TMTC2: variants seen among roughly 807,000 people sequenced by gnomAD.
The protein encoded by TMTC2 is protein O-mannosyl-transferase TMTC2.
A neutral mutation model predicts 82.4 loss-of-function variants in TMTC2; 43 were observed. The ratio of observed to expected loss-of-function variants is 0.52; its 90% CI spans 0.41 to 0.67. The LOEUF (loss-of-function observed/expected upper bound fraction) is 0.67, where lower values mean the gene tolerates loss of function less well. Ranked by LOEUF, TMTC2 falls within the 30% of genes least tolerant of loss-of-function variation. The pLI, the probability that TMTC2 is intolerant of heterozygous loss-of-function variation, is 0.00. For missense variants in TMTC2, 919 were observed against 1,012.4 expected, an observed-to-expected ratio of 0.91 and a Z score of 1.25; for synonymous variants, 408 against 381.9, an observed-to-expected ratio of 1.07 and a Z score of -0.80.
chr12:82,745,299 C>T (rs566961696), intron 1 of TMTC2, among the ~76,000 whole-genome samples: 2 of 152,136 alleles, frequency 1.3e-5, no homozygotes, highest in South Asian at 4.1e-4. Context: ...TTGTAGAAAA[C>T]CTTTTGTAGT....
intron 11 of TMTC2, 71 bp downstream of exon 11, chr12:83,061,902 T>C (rs1239833053): frequency 1.7e-6 from 2 of 1,164,454 alleles, no homozygotes; most frequent in Non-Finnish European, 2.4e-6. Context: ...GTAAGAAGCA[T>C]CATGATACTG....
intron 4 of TMTC2, among the ~76,000 whole-genome samples, chr12:82,954,921 G>T (rs1324172462): frequency 6.6e-6 from 1 of 152,190 alleles, no homozygotes; most frequent in Admixed American, 6.5e-5. Flanking sequence ...TGTGAAAATA[G>T]AAATGGTAGG....
intron 1 of TMTC2, among the ~76,000 whole-genome samples, chr12:82,804,503 G>A (rs989700883): frequency 6.6e-6 from 1 of 152,100 alleles, no homozygotes; most frequent in Admixed American, 6.5e-5. Context: ...TTAAAGCAAT[G>A]ATAATTTTTG....
At chr12:82,817,882 G>T (rs17010011) in intron 1 of TMTC2, among the ~76,000 whole-genome samples, 1 of 152,078 alleles carries the variant, frequency 6.6e-6, no homozygotes, top group Non-Finnish European at 1.5e-5. Context: ...ATTCTTGGCT[G>T]TGTATGTTGA....
intron 1 of TMTC2, among the ~76,000 whole-genome samples, chr12:82,767,564 C>T (rs1592505252): frequency 6.6e-6 from 1 of 152,020 alleles, no homozygotes; most frequent in Admixed American, 6.6e-5. Context: ...CCAGCTTGGG[C>T]ATGGAGTGAG....
intron 1 of TMTC2, among the ~76,000 whole-genome samples, chr12:82,831,162 C>T (rs1869726410): frequency 6.6e-6 from 1 of 152,118 alleles, no homozygotes; most frequent in Admixed American, 6.5e-5. Flanking sequence ...ACTTTGATGG[C>T]AAATGACAGC....
chr12:83,037,990 G>T (rs972480369), intron 9 of TMTC2, among the ~76,000 whole-genome samples: 3 of 151,764 alleles, frequency 2.0e-5, no homozygotes, highest in Admixed American at 2.0e-4. Flanking sequence ...TGATACAACC[G>T]GTTTTAAAAG....
chr12:82,925,931 C>T (rs891550659), intron 3 of TMTC2, among the ~76,000 whole-genome samples: 17 of 151,406 alleles, frequency 1.1e-4, no homozygotes, highest in Admixed American at 7.2e-4. Flanking sequence ...TTCAAATACA[C>T]GAATGATAAG....
chr12:82,959,651 T>G (rs1877810478), intron 4 of TMTC2, among the ~76,000 whole-genome samples: 1 of 152,078 alleles, frequency 6.6e-6, no homozygotes, highest in South Asian at 2.1e-4. Flanking sequence ...TCCCTCCTTT[T>G]CACCATATAT....
At chr12:83,095,900 C>G (rs1884012937) in intron 11 of TMTC2, among the ~76,000 whole-genome samples, 1 of 152,148 alleles carries the variant, frequency 6.6e-6, no homozygotes, top group Non-Finnish European at 1.5e-5. Context: ...GAAGTTTAAG[C>G]TCAGATGAGG....
chr12:82,895,151 A>C (rs997104494), intron 2 of TMTC2, among the ~76,000 whole-genome samples: 1 of 152,000 alleles, frequency 6.6e-6, no homozygotes, highest in Non-Finnish European at 1.5e-5. Context: ...TGTCATCAAC[A>C]TGAAAAATTT....
intron 8 of TMTC2, among the ~76,000 whole-genome samples, chr12:83,000,208 C>T (rs1488801523): frequency 2.0e-5 from 3 of 152,072 alleles, no homozygotes; most frequent in Non-Finnish European, 4.4e-5. Context: ...GATCTTGGCT[C>T]ACTGCAACCT....
intron 1 of TMTC2, among the ~76,000 whole-genome samples, chr12:82,739,941 T>C (rs1875313563): frequency 6.6e-6 from 1 of 151,932 alleles, no homozygotes; most frequent in Admixed American, 6.6e-5. Flanking sequence ...GTGATTGTTA[T>C]AAAGATGAAA....
chr12:82,754,217 A>G (rs988861461), intron 1 of TMTC2, among the ~76,000 whole-genome samples: 2 of 152,178 alleles, frequency 1.3e-5, no homozygotes, highest in African/African-American at 4.8e-5. Flanking sequence ...AGTGGCTTCT[A>G]GAAATACTGT....
chr12:83,055,948 A>G (rs1317873217), intron 10 of TMTC2, among the ~76,000 whole-genome samples: 2 of 151,956 alleles, frequency 1.3e-5, no homozygotes, highest in African/African-American at 4.8e-5. Flanking sequence ...TACCACTGGT[A>G]AAGCAGGGGT....
chr12:83,018,913 G>C (rs1003973518), intron 8 of TMTC2, among the ~76,000 whole-genome samples: 3 of 152,200 alleles, frequency 2.0e-5, no homozygotes, highest in African/African-American at 7.2e-5. Context: ...CCTTGGATAA[G>C]TGTTGATTAA....
intron 1 of TMTC2, among the ~76,000 whole-genome samples, chr12:82,788,470 A>G (rs1002990695): frequency 2.6e-5 from 4 of 152,098 alleles, no homozygotes; most frequent in African/African-American, 7.2e-5. Flanking sequence ...AGGAACAGCA[A>G]TAAGAGCACA....
chr12:83,031,900 C>G (rs985743969), intron 9 of TMTC2, among the ~76,000 whole-genome samples: 2 of 152,190 alleles, frequency 1.3e-5, no homozygotes, highest in African/African-American at 4.8e-5. Context: ...ATCTTCCCAG[C>G]ATTAATGCGG....
intron 6 of TMTC2, among the ~76,000 whole-genome samples, chr12:82,966,266 G>GA (rs1278828615): frequency 6.6e-6 from 1 of 152,070 alleles, no homozygotes; most frequent in Admixed American, 6.6e-5. Context: ...TGAGGGAAAA[G>GA]AAACAGTGGT....
Sources: allele counts gnomAD v4.1 joint callset (sites outside exome capture counted in the v4.1 genomes callset), GRCh38; gene constraint gnomAD v4.1.1; transcripts MANE v1.5; gene names NCBI Gene and HGNC (gene_info 2026-07-23, HGNC 2026-07-21).